The following MCF2L variants were observed in gnomAD, a reference collection of about 807,000 sequenced individuals.
MCF2L encodes the protein MCF.2 cell line derived transforming sequence like, also known as guanine nucleotide exchange factor DBS.
In MCF2L, 97 loss-of-function variants were observed where a neutral mutation model predicts 153.4. That is an observed-to-expected ratio of 0.63 (90% CI 0.54 to 0.75). The LOEUF (loss-of-function observed/expected upper bound fraction) is 0.75. Among genes scored for constraint, MCF2L ranks in the 30% least tolerant of loss-of-function variants. MCF2L has a pLI of 0.00. For synonymous variants in MCF2L, 659 were observed against 632.2 expected, an observed-to-expected ratio of 1.04 and a Z score of -0.64; for missense variants, 1,347 against 1,495.2, an observed-to-expected ratio of 0.90 and a Z score of 1.64.
rs1020220471 is a variant in MCF2L, at chr13:112,943,945, G to A, written c.169+41574G>A. Among the ~76,000 whole-genome samples the A allele has an allele frequency of 6.6e-6, 1 of 151,980 alleles. No individual in the cohort carries two copies. The highest frequency in any genetic ancestry group is 1.5e-5 in the Non-Finnish European group (1 of 67,954). On this transcript the variant is annotated intron_variant, in intron 2 of 29. Coordinates refer to the MCF2L transcript ENST00000375608. The surrounding 1 kb of genome is among the most constrained non-coding windows in gnomAD (Gnocchi z 4.2). The stretch of plus-strand genomic sequence containing the variant: ...AGCATTGAGGAGCTGAGCCCTGCGG[G>A]CCAGGGGCGCAGAGAGGGTCCCGGG...
Position 112,924,228 on chromosome 13 carries a change from C to A in MCF2L, c.169+21857C>A, listed in dbSNP as rs147267972. On this transcript the variant is annotated intron_variant, in intron 2 of 29. Transcript: ENST00000375608. ...AGAGTGAAGCTCCCCACAACCCCCC[C>A]ACGATGTGTCGTCGTTAGAGTGCCC... 4.1e-3 allele frequency among the ~76,000 whole-genome samples: 629 copies of A among 152,230 alleles called. 3 individuals carry two copies. Among genetic ancestry groups the A allele is most frequent in the Non-Finnish European group, 7.1e-3 (480 of 68,016 alleles).
intron 29 of MCF2L, 54 bp downstream of exon 29, chr13:113,096,707 G>GGAAGCTGCCCGTGTGT: frequency 6.4e-7 from 1 of 1,555,106 alleles, no homozygotes; most frequent in Non-Finnish European, 8.6e-7. Context: ...GCCCGGGCGA[G>GGAAGCTGCCCGTGTGT]GAAGCTGCCC....
At chr13:113,042,621 C>T (rs1352697151) in intron 3 of MCF2L, 2 of 152,188 alleles carry the variant, frequency 1.3e-5, no homozygotes, top group Non-Finnish European at 2.9e-5. Context: ...GTGAGGCAGA[C>T]GCGCACTTAA....
intron 23 of MCF2L, 130 bp downstream of exon 23, chr13:113,087,929 C>A: frequency 1.4e-6 from 1 of 740,238 alleles, no homozygotes; most frequent in African/African-American, 1.7e-5. Flanking sequence ...CAGGATGCTG[C>A]CCTGGGCTGT....
chr13:113,079,995 A>C, intron 15 of MCF2L, among the ~76,000 whole-genome samples: 1 of 106,210 alleles, frequency 9.4e-6, no homozygotes, highest in Non-Finnish European at 1.9e-5. Flanking sequence ...GGGTCCAGGC[A>C]GAGGAGAGTC....
intron 2 of MCF2L, among the ~76,000 whole-genome samples, chr13:112,961,906 C>T (rs1428620954): frequency 6.6e-6 from 1 of 152,312 alleles, no homozygotes; most frequent in African/African-American, 2.4e-5. Context: ...CCCACCCTCC[C>T]GCTCTGCTCC....
In MCF2L at chr13:113,064,347, A is replaced by G. The variant is rs114065146; in HGVS notation, c.533A>G (p.Asp178Gly). The change falls in exon 6 of 30, where the codon GAT becomes GGT. Residue 178 changes from aspartate to glycine, a missense_variant. Asp to Gly is a moderately conservative substitution (Grantham distance 94). Coordinates refer to ENST00000535094, the MANE Select transcript of MCF2L (RefSeq NM_001112732.3). This position sits in a 1 kb window ranked among gnomAD's most constrained non-coding sequence, Gnocchi z 6.0. ...GTACCAGACTTACACGGTTACATCG[A>G]TAAGTCGCAGCTGACCGAGGACCTG... is the stretch of plus-strand genomic sequence containing the variant. The part of the protein sequence containing the change: ...SSVPDLHGYI[D>G]KSQLTEDLGG... 6.2e-7 allele frequency: 1 copy of G among 1,613,026 alleles called. No individual in the cohort carries two copies. Among genetic ancestry groups the G allele is most frequent in the African/African-American group, 1.3e-5 (1 of 75,064 alleles).
Position 113,075,206 on chromosome 13 carries a change from C to T in MCF2L, c.1308+17C>T. On this transcript the variant is annotated intron_variant, in intron 11 of 29. Transcript: ENST00000535094. ...CTGGAGACGGTAGGCCGAGCCGGAC[C>T]CCACCCCACTCCCCCCCAGCTGCGG... 6.4e-7 allele frequency: 1 copy of T among 1,572,674 alleles called. No homozygotes were observed.
rs1230913622 is a variant in MCF2L, at chr13:112,907,787, C to T, written c.169+5416C>T. 6.6e-6 allele frequency among the ~76,000 whole-genome samples: 1 copy of T among 152,170 alleles called. No individual in the cohort carries two copies. Among genetic ancestry groups the T allele is most frequent in the Non-Finnish European group, 1.5e-5 (1 of 68,034 alleles). On this transcript the variant is annotated intron_variant, in intron 2 of 29. Transcript: ENST00000375608. The surrounding 1 kb of genome is among the most constrained non-coding windows in gnomAD (Gnocchi z 5.1). The stretch of plus-strand genomic sequence containing the variant: ...GCATGCCATTTAGTGTTGCAGAAAA[C>T]AGCTCTGAGAAAAGGCGATCTCAGC...
chr13:113,090,709 A>G (rs1001364415), intron 26 of MCF2L: 3 of 985,362 alleles, frequency 3.0e-6, no homozygotes, highest in Non-Finnish European at 2.4e-6. Context: ...CTCTTCTGGG[A>G]AGCCCTGAAG....
chr13:113,033,728 A>G (rs962718342), intron 3 of MCF2L: 4 of 156,580 alleles, frequency 2.6e-5, no homozygotes, highest in Non-Finnish European at 5.8e-5. Context: ...GTCGCCCTCC[A>G]TGGTCTGAAG....
intron 4 of MCF2L, among the ~76,000 whole-genome samples, chr13:113,060,021 C>T (rs575561164): frequency 2.6e-5 from 4 of 152,364 alleles, no homozygotes; most frequent in African/African-American, 9.6e-5. Flanking sequence ...AGTCTGAACT[C>T]AGGTGTGGCC....
Position 112,978,829 on chromosome 13 carries a change from T to C in MCF2L, c.79+9371T>C, listed in dbSNP as rs570135538. ...GTGGCCTGGAGCACATAACAATGAG[T>C]TAAAATGGCACTAGGCCATTTGCAC... On this transcript the variant is annotated intron_variant, in intron 1 of 29. Coordinates refer to ENST00000535094, the MANE Select transcript of MCF2L (RefSeq NM_001112732.3). 5.8e-4 allele frequency among the ~76,000 whole-genome samples: 88 copies of C among 152,298 alleles called. 1 individual carries two copies. Among genetic ancestry groups the C allele is most frequent in the African/African-American group, 2.1e-3 (86 of 41,556 alleles).
At chr13:112,945,460 A>G (rs902628390) in intron 2 of MCF2L, among the ~76,000 whole-genome samples, 13 of 152,244 alleles carry the variant, frequency 8.5e-5, no homozygotes, top group African/African-American at 3.1e-4. Flanking sequence ...TATAAAGTCT[A>G]TTAATGTTTT....
intron 1 of MCF2L, among the ~76,000 whole-genome samples, chr13:112,971,508 G>A (rs1233669071): frequency 2.0e-5 from 3 of 152,178 alleles, no homozygotes; most frequent in Non-Finnish European, 4.4e-5. Flanking sequence ...TCATTCAGCT[G>A]TGCAGAGCTT....
intron 2 of MCF2L, among the ~76,000 whole-genome samples, chr13:112,912,810 A>G (rs1189675587): frequency 6.9e-6 from 1 of 145,356 alleles, no homozygotes; most frequent in Non-Finnish European, 1.5e-5. Context: ...CTGTGTGTGT[A>G]TGTATGTATG....
At position 112,932,540 on chromosome 13, in the gene MCF2L, C is replaced by T. The variant is rs2081474559; in HGVS notation, c.169+30169C>T. Among the ~76,000 whole-genome samples, 1 of 152,132 alleles carries T rather than the reference C, an allele frequency of 6.6e-6. No homozygotes were observed. Among genetic ancestry groups the T allele is most frequent in the Non-Finnish European group, 1.5e-5 (1 of 68,038 alleles). ...ATTGGCTCATTAATTGCAACAAAGGCACCATAAGCTTAAGATATGAATATT... is the reference window on the plus strand; with the variant it reads ...ATTGGCTCATTAATTGCAACAAAGGTACCATAAGCTTAAGATATGAATATT... On this transcript the variant is annotated intron_variant, in intron 2 of 29. Coordinates refer to the MCF2L transcript ENST00000375608. The surrounding 1 kb of genome is among the most constrained non-coding windows in gnomAD (Gnocchi z 4.6).
intron 1 of MCF2L, among the ~76,000 whole-genome samples, chr13:112,898,048 A>T (rs73571087): frequency 3.9e-5 from 6 of 152,162 alleles, no homozygotes; most frequent in South Asian, 4.1e-4. Context: ...AAGGTCTCCC[A>T]GCTCCCCCTG....
rs1283325096 is a variant in MCF2L, at chr13:113,027,001, A to G, written c.278+2243A>G. 6.4e-6 allele frequency: 5 copies of G among 779,126 alleles called. No homozygotes were observed. Among genetic ancestry groups the G allele is most frequent in the Non-Finnish European group, 1.2e-5 (5 of 417,870 alleles). 48.3% of individuals were successfully genotyped at this position (779,126 alleles called of 1,614,324 possible). A position where few individuals can be genotyped will look rare whatever the true frequency, so the allele number is the denominator to read the frequency against. On this transcript the variant is annotated intron_variant, in intron 3 of 29. Transcript: ENST00000535094. This position sits in a 1 kb window ranked among gnomAD's most constrained non-coding sequence, Gnocchi z 4.8. ...TGAGAATGTCAGCCTCACACCAGAC[A>G]GTGTAGTTGCTGCTTCCATTTGGGG...
Sources: allele counts gnomAD v4.1 joint callset (sites outside exome capture counted in the v4.1 genomes callset), GRCh38; gene constraint gnomAD v4.1.1; non-coding constraint Gnocchi (gnomAD v3.1); transcripts MANE v1.5; gene names NCBI Gene and HGNC (gene_info 2026-07-23, HGNC 2026-07-21).